The following BRI3BP variants were observed in gnomAD, a reference collection of about 807,000 sequenced individuals.
BRI3BP encodes BRI3 binding protein, also known as BRI3-binding protein.
BRI3BP carries 7 observed loss-of-function variants against 15.8 expected under a neutral mutation model. The observed-to-expected ratio is 0.44, with a 90% CI of 0.25 to 0.83. The LOEUF (loss-of-function observed/expected upper bound fraction) is 0.83. Ranked by LOEUF, BRI3BP falls within the 40% of genes least tolerant of loss-of-function variation. The pLI, the probability that BRI3BP is intolerant of heterozygous loss-of-function variation, is 0.20. For missense variants in BRI3BP, 320 were observed against 339.3 expected, an observed-to-expected ratio of 0.94 and a Z score of 0.45; for synonymous variants, 192 against 163.5, an observed-to-expected ratio of 1.17 and a Z score of -1.33.
chr12:125,043,225 T>G, the BRI3BP span, among the ~76,000 whole-genome samples: 1 of 152,140 alleles, frequency 6.6e-6, no homozygotes, highest in Admixed American at 6.6e-5. Context: ...GATTTGGGGC[T>G]CTTCATGATG....
the BRI3BP span, among the ~76,000 whole-genome samples, chr12:125,042,460 AC>A: frequency 6.6e-6 from 1 of 150,384 alleles, no homozygotes; most frequent in South Asian, 2.1e-4. Flanking sequence ...TTCTTTAGGA[AC>A]TAGGTTGTGA....
intron 1 of BRI3BP, among the ~76,000 whole-genome samples, chr12:125,006,279 G>A (rs1274800027): frequency 1.3e-5 from 2 of 152,192 alleles, no homozygotes; most frequent in African/African-American, 4.8e-5. Flanking sequence ...ACACAAAGTG[G>A]GTCAGGGTGT....
the BRI3BP span, among the ~76,000 whole-genome samples, chr12:125,041,612 C>T: frequency 4.6e-5 from 7 of 152,178 alleles, no homozygotes; most frequent in Non-Finnish European, 8.8e-5. Context: ...GGTCCCCAGA[C>T]GCTATGTTCT....
rs142212345 is a variant in BRI3BP, at chr12:125,018,603, C to G, written c.316+5967C>G. 2.1e-4 allele frequency among the ~76,000 whole-genome samples: 32 copies of G among 152,208 alleles called. No homozygotes were observed. The East Asian group carries it at 6.0e-3, about 28-fold the overall frequency. On this transcript the variant is annotated intron_variant, in intron 2 of 2. Transcript: ENST00000341446. ...CAGATTCACCCTCGAGCCTCTGGAG[C>G]CAGCCCTGCTGACACGCTGTTCACA...
At position 125,029,133 on chromosome 12, in the gene BRI3BP, A is replaced by G. The variant is rs1347977171; in HGVS notation, c.*3703A>G. ...GACCAGCCCTCTCTAGATTGCTGGA[A>G]TTGTATGGATGTGTTGGGGTTGGTT... On this transcript the variant is annotated 3_prime_UTR_variant, in exon 3 of 3. Coordinates refer to ENST00000341446, the MANE Select transcript of BRI3BP (RefSeq NM_080626.6). 1 of 152,120 alleles carries G rather than the reference A, an allele frequency of 6.6e-6. No homozygotes were observed. Among genetic ancestry groups the G allele is most frequent in the African/African-American group, 2.4e-5 (1 of 41,422 alleles). The allele number at this position is 152,120 out of a possible 1,614,324, so 9.4% of individuals were successfully genotyped here.
At chr12:125,044,478 C>A in the BRI3BP span, among the ~76,000 whole-genome samples, 1 of 145,032 alleles carries the variant, frequency 6.9e-6, no homozygotes, top group African/African-American at 2.6e-5. Flanking sequence ...GAGACAGGGT[C>A]TTGTTCTGCT....
chr12:125,048,015 T>TA, the BRI3BP span, among the ~76,000 whole-genome samples: 622 of 137,158 alleles, frequency 4.5e-3, 8 homozygotes, highest in African/African-American at 0.012. Context: ...TTCTTATAGT[T>TA]AAAAAAAAAA....
intron 2 of BRI3BP, among the ~76,000 whole-genome samples, chr12:125,013,437 A>G (rs1955213743): frequency 6.6e-6 from 1 of 152,236 alleles, no homozygotes; most frequent in Non-Finnish European, 1.5e-5. Flanking sequence ...TGCTGCCGCC[A>G]CAACAACTAG....
In BRI3BP at chr12:125,025,373, G is replaced by A. The variant is rs900850416; in HGVS notation, c.699G>A (p.Leu233=). 2.9e-5 allele frequency: 46 copies of A among 1,612,094 alleles called. No homozygotes were observed. The African/African-American group carries it at 5.7e-4, about 20-fold the overall frequency. The change falls in exon 3 of 3, where the codon CTG becomes CTA. Residue 233 remains leucine (L), a synonymous_variant. Transcript: ENST00000341446. ...KLEHLEKQVR[L]LNIRLNRVLE... ...AGCACCTGGAGAAGCAGGTCAGACT[G>A]CTCAACATCCGTCTCAACCGGGTGC...
intron 1 of BRI3BP, among the ~76,000 whole-genome samples, chr12:125,008,299 CTTTTT>C (rs55697100): frequency 2.5e-4 from 25 of 99,944 alleles, no homozygotes; most frequent in African/African-American, 8.9e-4. Flanking sequence ...CCTCTTCTTT[CTTTTT>C]TTTTTTTTTT....
the BRI3BP span, among the ~76,000 whole-genome samples, chr12:125,043,727 C>T: frequency 1.3e-5 from 2 of 152,030 alleles, no homozygotes; most frequent in African/African-American, 2.4e-5. Flanking sequence ...CGTGGTTGTG[C>T]GTGTCTGTAA....
intron 1 of BRI3BP, among the ~76,000 whole-genome samples, chr12:125,003,956 AACACACACACACAC>A (rs202194939): frequency 2.1e-4 from 8 of 38,154 alleles, no homozygotes; most frequent in Admixed American, 1.1e-3. Flanking sequence ...CCATCTCAAA[AACACACACACACAC>A]ACACACACAC....
At chr12:125,050,986 T>G in the BRI3BP span, among the ~76,000 whole-genome samples, 1 of 152,194 alleles carries the variant, frequency 6.6e-6, no homozygotes, top group Non-Finnish European at 1.5e-5. Flanking sequence ...GAAGCCTGGC[T>G]ACTGAAGAGA....
intron 1 of BRI3BP, 43 bp from the exon 2 acceptor site, chr12:125,012,491 G>A (rs1372815756): frequency 2.0e-6 from 3 of 1,480,326 alleles, no homozygotes; most frequent in Non-Finnish European, 9.4e-7. Flanking sequence ...GACTGATGGA[G>A]GAAAACAGTG....
At chr12:125,012,181 CTT>C (rs1449791899) in intron 1 of BRI3BP, among the ~76,000 whole-genome samples, 2 of 152,120 alleles carry the variant, frequency 1.3e-5, no homozygotes, top group African/African-American at 4.8e-5. Flanking sequence ...GACCCTGTCT[CTT>C]TAGAGAAATC....
At chr12:125,002,605 C>T (rs1004584397) in intron 1 of BRI3BP, among the ~76,000 whole-genome samples, 9 of 151,968 alleles carry the variant, frequency 5.9e-5, no homozygotes, top group Admixed American at 4.6e-4. Flanking sequence ...TACAGGCACC[C>T]GCCACCACGC....
At chr12:124,998,873 T>G (rs1385466369) in intron 1 of BRI3BP, among the ~76,000 whole-genome samples, 3 of 152,104 alleles carry the variant, frequency 2.0e-5, no homozygotes, top group Non-Finnish European at 4.4e-5. Flanking sequence ...GCCCAGGAGT[T>G]TGAGACCAGC....
intron 1 of BRI3BP, among the ~76,000 whole-genome samples, chr12:125,000,308 ATTTT>A (rs35803183): frequency 2.2e-5 from 2 of 92,056 alleles, no homozygotes; most frequent in Non-Finnish European, 2.1e-5. Context: ...GTTTCATATG[ATTTT>A]TTTTTTTTTT....
At chr12:125,012,917 A>G (rs1252400099) in intron 2 of BRI3BP, among the ~76,000 whole-genome samples, 1 of 152,070 alleles carries the variant, frequency 6.6e-6, no homozygotes, top group Admixed American at 6.6e-5. Flanking sequence ...ATCTCTATAA[A>G]AAAAAAGTAC....
Sources: gnomAD v4.1 joint callset for allele counts (sites outside exome capture counted in the v4.1 genomes callset) on GRCh38, gnomAD v4.1.1 for gene constraint, MANE v1.5 for transcripts, NCBI Gene and HGNC (gene_info 2026-07-23, HGNC 2026-07-21) for gene names.